The following MGAT5 variants were observed in gnomAD, a reference collection of about 807,000 sequenced individuals.
MGAT5 encodes alpha-1,6-mannosylglycoprotein 6-beta-N-acetylglucosaminyltransferase A.
A neutral mutation model predicts 94.3 loss-of-function variants in MGAT5; 30 were observed. The ratio of observed to expected loss-of-function variants is 0.32; its 90% CI spans 0.24 to 0.43. The LOEUF (loss-of-function observed/expected upper bound fraction) is 0.43, where lower values mean the gene tolerates loss of function less well. Among genes scored for constraint, MGAT5 ranks in the 20% least tolerant of loss-of-function variants. The pLI is 1.00. For synonymous variants in MGAT5, 310 were observed against 322.9 expected (o/e 0.96, Z 0.43); for missense variants, 691 against 905.5 (o/e 0.76, Z 3.04).
At position 134,452,241 on chromosome 2, in the gene MGAT5, T is replaced by G. The variant is rs144474967; in HGVS notation, c.*3394T>G. On this transcript the variant is annotated 3_prime_UTR_variant, in exon 16 of 16. Transcript: ENST00000281923. ...AGAACCTCAAGAAAGGGCTGGATTC[T>G]GCCATACCTTTGGGTCTACCTTGGG... 1 of 152,310 alleles carries G rather than the reference T, an allele frequency of 6.6e-6. No homozygotes were observed. Among genetic ancestry groups the G allele is most frequent in the African/African-American group, 2.4e-5 (1 of 41,562 alleles). The allele number at this position is 152,310 out of a possible 1,614,324, so 9.4% of individuals were successfully genotyped here.
chr2:134,217,238 G>GGTGTGTGTGTGTGCGTGT (rs1553495172), intron 1 of MGAT5, among the ~76,000 whole-genome samples: 4 of 145,226 alleles, frequency 2.8e-5, no homozygotes, highest in African/African-American at 7.8e-5. Flanking sequence ...GAGAGAGAGT[G>GGTGTGTGTGTGTGCGTGT]GTGTGTGTGT....
intron 10 of MGAT5, among the ~76,000 whole-genome samples, chr2:134,375,682 G>A (rs1681123139): frequency 6.6e-6 from 1 of 152,170 alleles, no homozygotes; most frequent in South Asian, 2.1e-4. Flanking sequence ...GGAAAAATGA[G>A]GGAAATTTTT....
At chr2:134,360,613 A>G (rs945033706) in intron 9 of MGAT5, among the ~76,000 whole-genome samples, 7 of 152,234 alleles carry the variant, frequency 4.6e-5, no homozygotes, top group South Asian at 2.1e-4. Context: ...TTTAGAATTA[A>G]CAAAAAATTT....
At position 134,170,341 on chromosome 2, in the gene MGAT5, G is replaced by A. The variant is rs781533629; in HGVS notation, c.-143+50050G>A. On this transcript the variant is annotated intron_variant, in intron 1 of 16. Coordinates refer to the MGAT5 transcript ENST00000409645. ...TGCTAGTTTAAAAGGGGTCACTGGC[G>A]TGGAATCAATTCTTTCCAACTGTCC... is the stretch of plus-strand genomic sequence containing the variant. Among the ~76,000 whole-genome samples, 3 of 152,176 alleles carry A rather than the reference G, an allele frequency of 2.0e-5. No homozygotes were observed. In the South Asian group the frequency reaches 6.2e-4, roughly 31 times the overall value.
chr2:134,303,082 A>G (rs1686122532), intron 2 of MGAT5, among the ~76,000 whole-genome samples: 1 of 152,012 alleles, frequency 6.6e-6, no homozygotes, highest in Non-Finnish European at 1.5e-5. Flanking sequence ...GATGTTCTCC[A>G]CAGGTCATGG....
chr2:134,303,020 C>T (rs1558773527), intron 2 of MGAT5, among the ~76,000 whole-genome samples: 2 of 151,986 alleles, frequency 1.3e-5, no homozygotes, highest in African/African-American at 4.8e-5. Flanking sequence ...TTTTTTGTCT[C>T]TTTTCTCTTT....
chr2:134,122,159 C>T (rs547761625), intron 1 of MGAT5, among the ~76,000 whole-genome samples: 51 of 151,874 alleles, frequency 3.4e-4, no homozygotes, highest in African/African-American at 1.2e-3. Context: ...GGCTGGAGTG[C>T]AATGGTGCGA....
At chr2:134,406,344 C>T (rs1683331295) in intron 11 of MGAT5, among the ~76,000 whole-genome samples, 1 of 152,228 alleles carries the variant, frequency 6.6e-6, no homozygotes, top group Non-Finnish European at 1.5e-5. Context: ...CATACTGTCG[C>T]TGTACCCCTT....
chr2:134,303,610 G>A (rs1478645817), intron 2 of MGAT5, among the ~76,000 whole-genome samples: 1 of 152,118 alleles, frequency 6.6e-6, no homozygotes, highest in Non-Finnish European at 1.5e-5. Flanking sequence ...TTGACTTTTT[G>A]GGGTTTAAAC....
chr2:134,174,911 A>G (rs981198411), intron 1 of MGAT5, among the ~76,000 whole-genome samples: 1 of 152,216 alleles, frequency 6.6e-6, no homozygotes, highest in Non-Finnish European at 1.5e-5. Flanking sequence ...GATGCATGTC[A>G]GTATCTCATC....
intron 1 of MGAT5, among the ~76,000 whole-genome samples, chr2:134,125,118 G>A: frequency 6.6e-6 from 1 of 151,972 alleles, no homozygotes; most frequent in East Asian, 1.9e-4. Flanking sequence ...CATCAAGAAA[G>A]GGTAGACAAG....
intron 4 of MGAT5, among the ~76,000 whole-genome samples, chr2:134,335,493 C>A (rs1023982149): frequency 1.3e-5 from 2 of 152,060 alleles, no homozygotes; most frequent in Admixed American, 6.6e-5. Context: ...GAAATAATTT[C>A]TATAGAATCA....
At chr2:134,206,791 A>C (rs1241932778) in intron 1 of MGAT5, among the ~76,000 whole-genome samples, 1 of 152,158 alleles carries the variant, frequency 6.6e-6, no homozygotes, top group East Asian at 1.9e-4. Flanking sequence ...CAAGCCAAAA[A>C]ATACATGCAG....
chr2:134,422,945 C>T (rs1407074977), intron 13 of MGAT5, 26 bp downstream of exon 13: 10 of 1,548,974 alleles, frequency 6.5e-6, no homozygotes, highest in Admixed American at 5.0e-5. Flanking sequence ...TCCACTTTCC[C>T]TCCTTTCTAA....
chr2:134,419,759 C>T (rs1212341220), intron 12 of MGAT5, among the ~76,000 whole-genome samples: 1 of 152,128 alleles, frequency 6.6e-6, no homozygotes, highest in African/African-American at 2.4e-5. Flanking sequence ...GATAATAGCT[C>T]AGCATTTTGT....
At chr2:134,274,123 A>T (rs894584030) in intron 2 of MGAT5, among the ~76,000 whole-genome samples, 1 of 152,218 alleles carries the variant, frequency 6.6e-6, no homozygotes, top group African/African-American at 2.4e-5. Flanking sequence ...AAAAGTATAC[A>T]TATCTGATCA....
chr2:134,404,426 T>C (rs989583585), intron 11 of MGAT5, among the ~76,000 whole-genome samples: 4 of 152,210 alleles, frequency 2.6e-5, no homozygotes, highest in Non-Finnish European at 5.9e-5. Flanking sequence ...GGTATTATTG[T>C]TAACTTTATT....
intron 1 of MGAT5, among the ~76,000 whole-genome samples, chr2:134,184,674 T>C (rs948998273): frequency 1.3e-5 from 2 of 152,110 alleles, no homozygotes; most frequent in Non-Finnish European, 2.9e-5. Context: ...CAGATACTTG[T>C]TGTAGTAGGG....
At chr2:134,151,365 C>A (rs1687164365) in intron 1 of MGAT5, among the ~76,000 whole-genome samples, 1 of 133,174 alleles carries the variant, frequency 7.5e-6, no homozygotes, top group South Asian at 2.6e-4. Flanking sequence ...ACCTCACTCA[C>A]CCATGCCCTG....
Sources: allele counts gnomAD v4.1 joint callset (sites outside exome capture counted in the v4.1 genomes callset), GRCh38; gene constraint gnomAD v4.1.1; transcripts MANE v1.5; gene names NCBI Gene and HGNC (gene_info 2026-07-23, HGNC 2026-07-21).